Variants in ATP12A observed in about 807,000 individuals in gnomAD.
ATP12A encodes potassium-transporting ATPase alpha chain 2.
Under a neutral mutation model 111.2 loss-of-function variants are expected in ATP12A, and 81 were observed. That is an observed-to-expected ratio of 0.73 (90% confidence interval 0.61 to 0.88). The LOEUF (loss-of-function observed/expected upper bound fraction) is 0.88, where lower values mean the gene tolerates loss of function less well. ATP12A is among the 40% of genes least tolerant of loss of function. ATP12A has a pLI of 0.00. For synonymous variants in ATP12A, 498 were observed against 499.8 expected (o/e 1.00, Z 0.05); for missense variants, 1,196 against 1,313.1 (o/e 0.91, Z 1.38).
chr13:24,705,549 A>G (rs1053055755), intron 14 of ATP12A, among the ~76,000 whole-genome samples: 5 of 152,254 alleles, frequency 3.3e-5, no homozygotes, highest in Non-Finnish European at 5.9e-5. Flanking sequence ...TACGTAGCAC[A>G]TTGCACAAAG....
At chr13:24,709,548 G>T (rs908582733) in intron 18 of ATP12A, 61 bp downstream of exon 18, 30 of 1,599,364 alleles carry the variant, frequency 1.9e-5, no homozygotes, top group East Asian at 1.1e-4. Flanking sequence ...TCACTGGAGT[G>T]GGGGGCACAG....
At chr13:24,684,382 A>G (rs551358608) in intron 2 of ATP12A, among the ~76,000 whole-genome samples, 1 of 152,174 alleles carries the variant, frequency 6.6e-6, no homozygotes, top group Non-Finnish European at 1.5e-5. Flanking sequence ...TTTTTTGCAT[A>G]TACTTAAGAA....
At position 24,696,503 on chromosome 13, in the gene ATP12A, G is replaced by A. The variant is rs1272536112; in HGVS notation, c.1512+1925G>A. Among the ~76,000 whole-genome samples, 9 of 128,980 alleles carry A rather than the reference G, an allele frequency of 7.0e-5. 2 individuals are homozygous for A. The highest frequency in any genetic ancestry group is 1.3e-4 in the Non-Finnish European group (8 of 60,390). The allele number at this position is 128,980 out of a possible 152,430, so 84.6% of individuals were successfully genotyped here. On this transcript the variant is annotated intron_variant, in intron 11 of 22. Coordinates refer to ENST00000381946, the MANE Select transcript of ATP12A (RefSeq NM_001676.7). ...GGGTGGATCATGAGGTCAGGAGATC[G>A]AGACCATCCTGGCTAACAAGGTGAA...
At chr13:24,701,850 A>G in intron 13 of ATP12A, 85 bp from the exon 14 acceptor site, 1 of 1,556,354 alleles carries the variant, frequency 6.4e-7, no homozygotes. Context: ...CCAGGGCACT[A>G]CAGAGTAGGT....
chr13:24,680,695 T>C lies in ATP12A; in HGVS notation c.-49T>C. 1 of 1,500,664 alleles carries C rather than the reference T, an allele frequency of 6.7e-7. No individual in the cohort carries two copies. The highest frequency in any genetic ancestry group is 8.8e-7 in the Non-Finnish European group (1 of 1,132,104). The allele number at this position is 1,500,664 out of a possible 1,614,324, so 93.0% of individuals were successfully genotyped here. ...CCCACCGTGCGCTCCGCCGCTGCGGTCCCGGATCCGCGCTCCACGCCCGCA... is the reference window on the plus strand; with the variant it reads ...CCCACCGTGCGCTCCGCCGCTGCGGCCCCGGATCCGCGCTCCACGCCCGCA... On this transcript the variant is annotated 5_prime_UTR_variant, in exon 1 of 23. Coordinates refer to ENST00000381946, the MANE Select transcript of ATP12A (RefSeq NM_001676.7).
chr13:24,710,927 C>T, intron 21 of ATP12A, 34 bp downstream of exon 21: 1 of 1,578,496 alleles, frequency 6.3e-7, no homozygotes, highest in South Asian at 1.1e-5. Context: ...GAGGAAAGAG[C>T]CAGCCTCTGC....
At chr13:24,700,450 A>G (rs1875343379) in intron 12 of ATP12A, among the ~76,000 whole-genome samples, 1 of 151,538 alleles carries the variant, frequency 6.6e-6, no homozygotes. Flanking sequence ...GATCCCTTTA[A>G]CTCTGTGCCC....
rs145292172 is a variant in ATP12A, at chr13:24,708,302, G to A, written c.2493+869G>A. Among the ~76,000 whole-genome samples the A allele has an allele frequency of 3.0e-3, 458 of 152,258 alleles. 3 individuals are homozygous for A. Among genetic ancestry groups the A allele is most frequent in the African/African-American group, 0.01 (421 of 41,534 alleles). On this transcript the variant is annotated intron_variant, in intron 17 of 22. Coordinates refer to ENST00000381946, the MANE Select transcript of ATP12A (RefSeq NM_001676.7). ...AGCTGCCCATGTGGCTGTGGCTTACGTGGGCAAGCAGGGAAAGCAACAGAC... is the reference window on the plus strand; with the variant it reads ...AGCTGCCCATGTGGCTGTGGCTTACATGGGCAAGCAGGGAAAGCAACAGAC...
At chr13:24,703,690 G>A (rs1875492859) in intron 14 of ATP12A, 1 of 152,108 alleles carries the variant, frequency 6.6e-6, no homozygotes, top group African/African-American at 2.4e-5. Context: ...TAGATACAAG[G>A]TGTCCTGTCA....
At chr13:24,686,314 C>T (rs1874662140) in intron 3 of ATP12A, among the ~76,000 whole-genome samples, 1 of 152,036 alleles carries the variant, frequency 6.6e-6, no homozygotes, top group South Asian at 2.1e-4. Context: ...GTGGCACATG[C>T]CTGTAATCTC....
chr13:24,711,326 A>G lies in ATP12A; in HGVS notation c.3008A>G (p.Tyr1003Cys). The G allele has an allele frequency of 6.2e-7, 1 of 1,600,456 alleles. No homozygotes were observed. The highest frequency in any genetic ancestry group is 8.5e-7 in the Non-Finnish European group (1 of 1,172,516). The change falls in exon 22 of 23, where the codon TAC becomes TGC. Residue 1003 changes from tyrosine to cysteine, a missense_variant. Physicochemically the swap from Tyr to Cys is radical, Grantham distance 194 (BLOSUM62 -2). Around this residue, in one of 3 missense-constraint regions of ATP12A, gnomAD observed 1,126 missense variants for 1,228.5 expected, o/e 0.92. Coordinates refer to ENST00000381946, the MANE Select transcript of ATP12A (RefSeq NM_001676.7). The part of the protein sequence containing the change: ...ALSFTMLRAQ[Y>C]WFVAVPHAIL... ...CATCCCTTTGCTTCCAGGGCTCAGT[A>G]CTGGTTTGTGGCTGTGCCGCACGCC...
At position 24,709,500 on chromosome 13, in the gene ATP12A, C is replaced by T. The variant is rs199898479; in HGVS notation, c.2617+13C>T. 1.2e-4 allele frequency: 193 copies of T among 1,611,328 alleles called. No individual in the cohort carries two copies. Among genetic ancestry groups the T allele is most frequent in the South Asian group, 5.6e-4 (51 of 90,998 alleles). Reference sequence around the variant, plus strand: ...TACCTGCACATTGGTACGATGAGGGCGCGTCTTCCCCATCACACGAGGGCC... The same window carrying T: ...TACCTGCACATTGGTACGATGAGGGTGCGTCTTCCCCATCACACGAGGGCC... On this transcript the variant is annotated intron_variant, in intron 18 of 22. Coordinates refer to ENST00000381946, the MANE Select transcript of ATP12A (RefSeq NM_001676.7).
chr13:24,707,156 A>G lies in ATP12A; in HGVS notation c.2303A>G (p.Asp768Gly). 4 of 1,614,156 alleles carry G rather than the reference A, an allele frequency of 2.5e-6. No individual in the cohort carries two copies. Among genetic ancestry groups the G allele is most frequent in the Non-Finnish European group, 3.4e-6 (4 of 1,180,000 alleles). The part of the protein sequence containing the change: ...KNAADMVLLD[D>G]NFASIVTGVE... Reference sequence around the variant, plus strand: ...GCAGCCGACATGGTCTTGCTGGACGACAACTTCGCATCCATCGTCACAGGG... The same window carrying G: ...GCAGCCGACATGGTCTTGCTGGACGGCAACTTCGCATCCATCGTCACAGGG... Residue 768 changes from aspartate to glycine, a missense_variant, in exon 16 of 23, where the codon GAC becomes GGC. By Grantham distance (94) the Asp-to-Gly change is moderately conservative. Coordinates refer to ENST00000381946, the MANE Select transcript of ATP12A (RefSeq NM_001676.7).
At chr13:24,709,314 G>C in intron 17 of ATP12A, 50 bp from the exon 18 acceptor site, 1 of 1,548,440 alleles carries the variant, frequency 6.5e-7, no homozygotes, top group Middle Eastern at 2.0e-4. Context: ...CCTACTGTGG[G>C]TAGAGCAGAA....
chr13:24,708,568 T>C (rs946242114), intron 17 of ATP12A, among the ~76,000 whole-genome samples: 30 of 152,226 alleles, frequency 2.0e-4, no homozygotes, highest in African/African-American at 7.0e-4. Context: ...GGTGCGGGCA[T>C]CACCTGGGAA....
intron 12 of ATP12A, among the ~76,000 whole-genome samples, chr13:24,700,121 A>G (rs1355779849): frequency 1.3e-5 from 2 of 152,196 alleles, no homozygotes; most frequent in Admixed American, 1.3e-4. Context: ...ACCAGACACA[A>G]GAGTCCCTTC....
rs147728520 is a variant in ATP12A at position 24,706,500 on chromosome 13, C to T, written c.2169+37C>T. On this transcript the variant is annotated intron_variant, in intron 15 of 22. Coordinates refer to ENST00000381946, the MANE Select transcript of ATP12A (RefSeq NM_001676.7). The stretch of plus-strand genomic sequence containing the variant: ...GCAGTGTCCAGAGGACTGACAGGCC[C>T]ATCACTGTCCATGGGCAAGTGCAGA... 8,455 of 1,603,504 alleles carry T rather than the reference C, an allele frequency of 5.3e-3. 26 individuals carry two copies. The highest frequency in any genetic ancestry group is 6.4e-3 in the Admixed American group (380 of 59,360).
intron 8 of ATP12A, 75 bp from the exon 9 acceptor site, chr13:24,692,354 A>C: frequency 6.9e-7 from 1 of 1,459,490 alleles, no homozygotes; most frequent in African/African-American, 1.4e-5. Flanking sequence ...CACAGCTCAC[A>C]TTGGCTATTT....
intron 14 of ATP12A, among the ~76,000 whole-genome samples, chr13:24,705,352 G>A (rs1023620955): frequency 6.6e-6 from 1 of 152,224 alleles, no homozygotes; most frequent in African/African-American, 2.4e-5. Flanking sequence ...TGACAACGCA[G>A]GCCCCACCTG....
Sources: gnomAD v4.1 joint callset for allele counts (sites outside exome capture counted in the v4.1 genomes callset) on GRCh38, gnomAD v4.1.1 for gene constraint, gnomAD v4.1.1 regional missense constraint, MANE v1.5 for transcripts, NCBI Gene and HGNC (gene_info 2026-07-23, HGNC 2026-07-21) for gene names.